The following NFIB variants were observed in gnomAD, a reference collection of about 807,000 sequenced individuals.
The protein encoded by NFIB is nuclear factor I B, also known as nuclear factor 1 B-type.
NFIB carries 11 observed loss-of-function variants against 61.5 expected under a neutral mutation model. That is an observed-to-expected ratio of 0.18 (90% confidence interval 0.11 to 0.30). The LOEUF (loss-of-function observed/expected upper bound fraction) is 0.30. Among genes scored for constraint, NFIB ranks in the 10% least tolerant of loss-of-function variants. The pLI is 1.00. For missense variants in NFIB, 471 were observed against 608.9 expected (o/e 0.77, Z 2.38); for synonymous variants, 260 against 216.5 (o/e 1.20, Z -1.76).
At chr9:14,191,528 CAGGTGCTCAAAATTCCT>C (rs1460428724) in intron 2 of NFIB, among the ~76,000 whole-genome samples, 1 of 152,042 alleles carries the variant, frequency 6.6e-6, no homozygotes, top group East Asian at 1.9e-4. Context: ...AGCTATGTAC[CAGGTGCTCAAAATTCCT>C]CCCATTTTGT....
At chr9:14,091,421 T>C (rs1221641607) in intron 10 of NFIB, among the ~76,000 whole-genome samples, 1 of 151,994 alleles carries the variant, frequency 6.6e-6, no homozygotes, top group African/African-American at 2.4e-5. Flanking sequence ...TAACTCTATA[T>C]AAAAATCAAT....
intron 1 of NFIB, among the ~76,000 whole-genome samples, chr9:14,359,785 C>T (rs952567554): frequency 6.6e-6 from 1 of 152,002 alleles, no homozygotes; most frequent in African/African-American, 2.4e-5. Flanking sequence ...GTGGTTCCAT[C>T]TTTGCTACTA....
At chr9:14,477,167 G>C in the NFIB span, among the ~76,000 whole-genome samples, 1 of 152,182 alleles carries the variant, frequency 6.6e-6, no homozygotes, top group Non-Finnish European at 1.5e-5. Context: ...CTGAGGCAGT[G>C]TGTAGGGGAT....
At chr9:14,329,196 T>A (rs2060791201) in intron 1 of NFIB, among the ~76,000 whole-genome samples, 1 of 152,194 alleles carries the variant, frequency 6.6e-6, no homozygotes, top group Admixed American at 6.5e-5. Flanking sequence ...AGAGGTAAAG[T>A]GACTTACTTA....
At chr9:14,459,671 GA>G in the NFIB span, among the ~76,000 whole-genome samples, 1 of 151,788 alleles carries the variant, frequency 6.6e-6, no homozygotes, top group Non-Finnish European at 1.5e-5. Context: ...AAATTTACAA[GA>G]AAAAAACAAA....
At chr9:14,199,980 G>A (rs963528290) in intron 2 of NFIB, among the ~76,000 whole-genome samples, 6 of 152,300 alleles carry the variant, frequency 3.9e-5, no homozygotes, top group East Asian at 1.9e-4. Context: ...GAGAACAGGA[G>A]CAGAAGGGAT....
At chr9:14,121,918 T>C (rs1231967012) in intron 7 of NFIB, among the ~76,000 whole-genome samples, 1 of 151,978 alleles carries the variant, frequency 6.6e-6, no homozygotes, top group Non-Finnish European at 1.5e-5. Context: ...AAGAGTGTAA[T>C]CGTATGATCA....
chr9:14,421,255 G>A, the NFIB span, among the ~76,000 whole-genome samples: 1 of 152,046 alleles, frequency 6.6e-6, no homozygotes, highest in East Asian at 1.9e-4. Flanking sequence ...TAATTGAAAT[G>A]AACATCTATT....
chr9:14,204,327 T>G (rs1472386856), intron 2 of NFIB: 2 of 739,950 alleles, frequency 2.7e-6, no homozygotes, highest in Non-Finnish European at 4.8e-6. Context: ...GCCAAGAAAG[T>G]GGTCAACCCC....
At chr9:14,402,626 A>G (rs1288653265), upstream of NFIB, among the ~76,000 whole-genome samples, 1 of 152,214 alleles carries the variant, frequency 6.6e-6, no homozygotes, top group Non-Finnish European at 1.5e-5. Flanking sequence ...CTCAATATTT[A>G]TAACTCATTT....
chr9:14,187,610 T>C (rs1412945735), intron 2 of NFIB, among the ~76,000 whole-genome samples: 1 of 152,176 alleles, frequency 6.6e-6, no homozygotes, highest in Admixed American at 6.6e-5. Context: ...CCAGTTGTTT[T>C]ATCATTAAGC....
intron 1 of NFIB, among the ~76,000 whole-genome samples, chr9:14,325,829 A>ATATTTTTAGAATTTAAAAAATACATAATG (rs2060745742): frequency 2.6e-5 from 4 of 152,130 alleles, no homozygotes; most frequent in African/African-American, 7.2e-5. Context: ...TTGAAAAATA[A>ATATTTTTAGAATTTAAAAAATACATAATG]TATTTTTAGA....
At chr9:14,264,314 C>G (rs776086844) in intron 2 of NFIB, among the ~76,000 whole-genome samples, 26 of 152,280 alleles carry the variant, frequency 1.7e-4, no homozygotes, top group Non-Finnish European at 3.1e-4. Flanking sequence ...TTCACCTGCC[C>G]AGTCAACAAC....
chr9:14,217,184 A>G (rs2051025017), intron 2 of NFIB, among the ~76,000 whole-genome samples: 1 of 152,198 alleles, frequency 6.6e-6, no homozygotes, highest in South Asian at 2.1e-4. Flanking sequence ...CTTCCAGATA[A>G]TAACTTTTTC....
At chr9:14,281,493 G>C (rs182573140) in intron 2 of NFIB, among the ~76,000 whole-genome samples, 3 of 152,244 alleles carry the variant, frequency 2.0e-5, no homozygotes, top group Admixed American at 6.5e-5. Flanking sequence ...AGAATGTAGA[G>C]AAATGACTTT....
the NFIB span, among the ~76,000 whole-genome samples, chr9:14,510,228 G>C: frequency 6.6e-6 from 1 of 152,152 alleles, no homozygotes; most frequent in South Asian, 2.1e-4. Flanking sequence ...AGATGTGATT[G>C]ATTTAAGTTA....
At chr9:14,509,519 C>T in the NFIB span, among the ~76,000 whole-genome samples, 1 of 152,146 alleles carries the variant, frequency 6.6e-6, no homozygotes, top group Non-Finnish European at 1.5e-5. Flanking sequence ...ATATTTTTAT[C>T]AACATCATAC....
In NFIB at chr9:14,237,203, T is replaced by C. The variant is rs115444545; in HGVS notation, c.563-57423A>G. Among the ~76,000 whole-genome samples the C allele has an allele frequency of 4.7e-3, 720 of 152,320 alleles. 4 individuals are homozygous for C. The highest frequency in any genetic ancestry group is 0.017 in the African/African-American group (693 of 41,576). On this transcript the variant is annotated intron_variant, in intron 2 of 10. Transcript: ENST00000380953. ...TGAAATTCCTAAAAGGCTACGTCAC[T>C]GAAAACTATCAGGTCTGAGAACTGA...
chr9:14,412,561 C>A, the NFIB span, among the ~76,000 whole-genome samples: 466 of 152,314 alleles, frequency 3.1e-3, no homozygotes, highest in Middle Eastern at 6.8e-3. Context: ...GCAAATTCCC[C>A]ATGAGTCAAG....
Sources: gnomAD v4.1 joint callset for allele counts (sites outside exome capture counted in the v4.1 genomes callset) on GRCh38, gnomAD v4.1.1 for gene constraint, MANE v1.5 for transcripts, NCBI Gene and HGNC (gene_info 2026-07-23, HGNC 2026-07-21) for gene names.